Variants in GNAZ observed in about 807,000 individuals in gnomAD.
The protein encoded by GNAZ is guanine nucleotide-binding protein G(z) subunit alpha.
A neutral mutation model predicts 25.4 loss-of-function variants in GNAZ; 3 were observed. That is an observed-to-expected ratio of 0.12 (90% CI 0.05 to 0.30). The LOEUF is 0.30. Among genes scored for constraint, GNAZ ranks in the 10% least tolerant of loss-of-function variants. GNAZ has a pLI of 1.00. For synonymous variants in GNAZ, 211 were observed against 205.7 expected (o/e 1.03, Z -0.22); for missense variants, 241 against 501.8 (o/e 0.48, Z 4.97).
chr22:23,108,074 C>G (rs2069535866), intron 2 of GNAZ, among the ~76,000 whole-genome samples: 1 of 152,206 alleles, frequency 6.6e-6, no homozygotes, highest in African/African-American at 2.4e-5. Flanking sequence ...CCTGATCCAG[C>G]CCATCTGTGG....
At chr22:23,120,383 C>T (rs1361560418) in intron 2 of GNAZ, among the ~76,000 whole-genome samples, 6 of 152,060 alleles carry the variant, frequency 3.9e-5, no homozygotes, top group Admixed American at 1.3e-4. Context: ...CGTGGTCTAT[C>T]GGCCCCTCCC....
At position 23,071,321 on chromosome 22, in the gene GNAZ, T is replaced by C. The variant is rs2068367514; in HGVS notation, c.-450+751T>C. Among the ~76,000 whole-genome samples the C allele has an allele frequency of 6.6e-6, 1 of 152,038 alleles. No individual in the cohort carries two copies. Among genetic ancestry groups the C allele is most frequent in the Admixed American group, 6.5e-5 (1 of 15,286 alleles). ...GGTGCTGAGCCTTCCTGGGTGATGA[T>C]GGCAGGATTCGGCCTAGGCCGAGAA... On this transcript the variant is annotated intron_variant, in intron 1 of 2. Transcript: ENST00000615612. The surrounding 1 kb of genome is among the most constrained non-coding windows in gnomAD (Gnocchi z 4.1).
intron 2 of GNAZ, among the ~76,000 whole-genome samples, chr22:23,096,867 G>A (rs1328475487): frequency 2.0e-5 from 3 of 152,348 alleles, no homozygotes; most frequent in South Asian, 2.1e-4. Context: ...GAAAGGGGAC[G>A]ACGTAAAAGC....
At chr22:23,082,844 G>C (rs1187953180) in intron 1 of GNAZ, among the ~76,000 whole-genome samples, 2 of 152,198 alleles carry the variant, frequency 1.3e-5, no homozygotes, top group East Asian at 3.9e-4. Flanking sequence ...TGGTTTCACA[G>C]AGCTGAGGCT....
At chr22:23,108,692 A>G (rs2069554408) in intron 2 of GNAZ, among the ~76,000 whole-genome samples, 2 of 152,242 alleles carry the variant, frequency 1.3e-5, no homozygotes, top group African/African-American at 4.8e-5. Flanking sequence ...GCAATGTCCC[A>G]GGGCCCCAGC....
chr22:23,091,515 C>T (rs2068975858), intron 1 of GNAZ, among the ~76,000 whole-genome samples: 1 of 151,450 alleles, frequency 6.6e-6, no homozygotes, highest in Non-Finnish European at 1.5e-5. Context: ...CATACATGCA[C>T]ACACACCGCA....
chr22:23,124,490 G>A lies in GNAZ; in HGVS notation c.*1059G>A, dbSNP rs773928497. On this transcript the variant is annotated 3_prime_UTR_variant, in exon 3 of 3. Transcript: ENST00000615612. ...TCTGCAGTGTCCTCTTGTTAATGGTGGGGTTTTCTGCTTTGTTTTTATTTA... is the reference window on the plus strand; with the variant it reads ...TCTGCAGTGTCCTCTTGTTAATGGTAGGGTTTTCTGCTTTGTTTTTATTTA... 1.5e-5 allele frequency: 6 copies of A among 391,882 alleles called. No individual in the cohort carries two copies. The highest frequency in any genetic ancestry group is 8.6e-5 in the African/African-American group (4 of 46,762). 24.3% of individuals were successfully genotyped at this position (391,882 alleles called of 1,614,324 possible).
At chr22:23,081,197 G>T (rs1417324831) in intron 1 of GNAZ, among the ~76,000 whole-genome samples, 1 of 152,204 alleles carries the variant, frequency 6.6e-6, no homozygotes, top group Non-Finnish European at 1.5e-5. Flanking sequence ...ACAGCCTAAA[G>T]TTCAGATTCC....
intron 2 of GNAZ, among the ~76,000 whole-genome samples, chr22:23,119,487 C>T (rs2069947306): frequency 6.6e-6 from 1 of 152,226 alleles, no homozygotes; most frequent in Non-Finnish European, 1.5e-5. Context: ...GGAACAAACC[C>T]ACGATGCAGC....
chr22:23,117,632 A>G (rs2069888724), intron 2 of GNAZ, among the ~76,000 whole-genome samples: 1 of 152,246 alleles, frequency 6.6e-6, no homozygotes, highest in Non-Finnish European at 1.5e-5. Flanking sequence ...CTGGGGTGCC[A>G]GTGGTAGCCA....
At position 23,095,791 on chromosome 22, in the gene GNAZ, C is replaced by G; in HGVS notation, c.96C>G (p.Arg32=). ...HLRSESQRQR[R]EIKLLLLGTS... is the part of the protein sequence containing the mutation. ...GCTCAGAGAGCCAGCGGCAACGCCG[C>G]GAAATCAAGCTGCTCCTGCTGGGCA... The change falls in exon 2 of 3, where the codon CGC becomes CGG. Residue 32 remains arginine, a synonymous_variant. Coordinates refer to ENST00000615612, the MANE Select transcript of GNAZ (RefSeq NM_002073.4). 1 of 1,613,322 alleles carries G rather than the reference C, an allele frequency of 6.2e-7. No homozygotes were observed. The highest frequency in any genetic ancestry group is 8.5e-7 in the Non-Finnish European group (1 of 1,179,988).
At chr22:23,089,600 C>T (rs980894778) in intron 1 of GNAZ, among the ~76,000 whole-genome samples, 3 of 152,168 alleles carry the variant, frequency 2.0e-5, no homozygotes, top group Non-Finnish European at 4.4e-5. Context: ...AGGGCTATCA[C>T]TCAACATCTG....
At chr22:23,081,049 C>T (rs2068663206) in intron 1 of GNAZ, among the ~76,000 whole-genome samples, 1 of 152,192 alleles carries the variant, frequency 6.6e-6, no homozygotes, top group African/African-American at 2.4e-5. Context: ...GCCTGGAATA[C>T]TGTGTAAACT....
intron 2 of GNAZ, among the ~76,000 whole-genome samples, chr22:23,115,808 T>C (rs2069815100): frequency 3.3e-5 from 5 of 152,236 alleles, no homozygotes; most frequent in Admixed American, 3.3e-4. Context: ...GCACAGTACA[T>C]GATTGCTCAC....
intron 2 of GNAZ, among the ~76,000 whole-genome samples, chr22:23,100,536 G>C (rs2069269108): frequency 6.6e-6 from 1 of 152,248 alleles, no homozygotes; most frequent in Admixed American, 6.5e-5. Flanking sequence ...CTCCAGGCAG[G>C]TGGTCTATGC....
intron 2 of GNAZ, among the ~76,000 whole-genome samples, chr22:23,111,747 C>G (rs759593496): frequency 4.6e-5 from 7 of 152,208 alleles, no homozygotes; most frequent in Non-Finnish European, 1.0e-4. Context: ...CCTCAGGGAG[C>G]CAGCAGGGTC....
At chr22:23,100,813 C>G (rs1311367371) in intron 2 of GNAZ, among the ~76,000 whole-genome samples, 3 of 152,208 alleles carry the variant, frequency 2.0e-5, no homozygotes, top group Non-Finnish European at 4.4e-5. Flanking sequence ...TCAGCCCTTC[C>G]CAAGGAGACC....
At chr22:23,090,457 G>A (rs5759584) in intron 1 of GNAZ, among the ~76,000 whole-genome samples, 36,099 of 152,018 alleles carry the variant, frequency 0.24, 4,614 homozygotes, top group East Asian at 0.35. Flanking sequence ...TGGCTTCAGC[G>A]CAGCAGCCAG....
chr22:23,102,251 C>T (rs1302559776), intron 2 of GNAZ, among the ~76,000 whole-genome samples: 1 of 152,236 alleles, frequency 6.6e-6, no homozygotes, highest in Admixed American at 6.5e-5. Context: ...CGCCTAGGGT[C>T]CCAGGCTTTA....
Sources: gnomAD v4.1 joint callset for allele counts (sites outside exome capture counted in the v4.1 genomes callset) on GRCh38, gnomAD v4.1.1 for gene constraint, Gnocchi (gnomAD v3.1) non-coding constraint, MANE v1.5 for transcripts, NCBI Gene and HGNC (gene_info 2026-07-23, HGNC 2026-07-21) for gene names.